ADCY7: variants seen among roughly 807,000 people sequenced by gnomAD.
The protein encoded by ADCY7 is adenylate cyclase 7, also known as adenylate cyclase type 7.
ADCY7 carries 72 observed loss-of-function variants against 120.6 expected under a neutral mutation model. That is an observed-to-expected ratio of 0.60 (90% CI 0.49 to 0.73). The LOEUF is 0.73. ADCY7 is among the 30% of genes least tolerant of loss of function. The pLI is 0.00. For missense variants in ADCY7, 1,227 were observed against 1,486.0 expected, an observed-to-expected ratio of 0.83 and a Z score of 2.87; for synonymous variants, 661 against 628.0, an observed-to-expected ratio of 1.05 and a Z score of -0.78.
rs560149181 is a variant in ADCY7 at position 50,316,090 on chromosome 16, C to T, written c.*585C>T. 2 of 152,910 alleles carry T rather than the reference C, an allele frequency of 1.3e-5. No homozygotes were observed. Among genetic ancestry groups the T allele is most frequent in the African/African-American group, 4.8e-5 (2 of 41,586 alleles). The allele number at this position is 152,910 out of a possible 1,614,324, so 9.5% of individuals were successfully genotyped here. ...TTAACACTGTTACTTTTTGCCTTGT[C>T]TGGCATGTTTGTTTTAAATGAATAC... On this transcript the variant is annotated 3_prime_UTR_variant, in exon 26 of 26. Coordinates refer to ENST00000673801, the MANE Select transcript of ADCY7 (RefSeq NM_001114.5).
intron 1 of ADCY7, among the ~76,000 whole-genome samples, chr16:50,268,917 G>A (rs2033386462): frequency 6.6e-6 from 1 of 152,160 alleles, no homozygotes; most frequent in Admixed American, 6.5e-5. Context: ...TGTGCCTGTA[G>A]TCCCAGCTAC....
At chr16:50,262,448 C>T (rs1348717071), upstream of ADCY7, among the ~76,000 whole-genome samples, 1 of 151,978 alleles carries the variant, frequency 6.6e-6, no homozygotes, top group Admixed American at 6.6e-5. Context: ...CCACCTCAGC[C>T]TCCTGCGTAG....
At chr16:50,249,694 G>A (rs1329769839) in intron 1 of ADCY7, among the ~76,000 whole-genome samples, 2 of 152,238 alleles carry the variant, frequency 1.3e-5, no homozygotes, top group Non-Finnish European at 2.9e-5. Flanking sequence ...TTGCCAGGAG[G>A]TGGGGAGGCT....
rs67137852 is a variant in ADCY7, at chr16:50,295,345, A to ATT, written c.948+623_948+624dup. ...AGGCATGCACCACCACGCCTGGCTA[A>ATT]TTTTTTTTTTTTTTTTTTTTTTTTT... On this transcript the variant is annotated intron_variant, in intron 7 of 25. Transcript: ENST00000673801. Among the ~76,000 whole-genome samples, 595 of 82,670 alleles carry ATT rather than the reference A, an allele frequency of 7.2e-3. 44 individuals carry two copies. The highest frequency in any genetic ancestry group is 0.019 in the African/African-American group (401 of 21,020). 54.2% of individuals were successfully genotyped at this position (82,670 alleles called of 152,430 possible). A position where few individuals can be genotyped will look rare whatever the true frequency, so the allele number is the denominator to read the frequency against.
Position 50,311,713 on chromosome 16 carries a change from G to C in ADCY7, c.2375G>C (p.Trp792Ser). Reference sequence around the variant, plus strand: ...TTCAGTGGCACCCCTAGCTGTTCCTGGAAGGACCTGAAGACCATGACCAAT... The same window carrying C: ...TTCAGTGGCACCCCTAGCTGTTCCTCGAAGGACCTGAAGACCATGACCAAT... ...GTTSGTPSCS[W>S]KDLKTMTNFY... The change falls in exon 20 of 26, where the codon TGG becomes TCG. Residue 792 changes from tryptophan to serine, a missense_variant. Transcript: ENST00000673801. The C allele has an allele frequency of 6.2e-7, 1 of 1,612,502 alleles. No homozygotes were observed. The highest frequency in any genetic ancestry group is 8.5e-7 in the Non-Finnish European group (1 of 1,179,534).
intron 1 of ADCY7, among the ~76,000 whole-genome samples, chr16:50,251,698 C>T (rs911447825): frequency 1.3e-5 from 2 of 152,236 alleles, no homozygotes; most frequent in African/African-American, 2.4e-5. Flanking sequence ...GGCAGGGTGG[C>T]GCCTCACCCA....
At chr16:50,266,178 G>T (rs1047660197), upstream of ADCY7, among the ~76,000 whole-genome samples, 5 of 152,200 alleles carry the variant, frequency 3.3e-5, no homozygotes, top group African/African-American at 1.2e-4. Flanking sequence ...GGCGCGGGGG[G>T]CCTGTCTGTG....
In ADCY7 at chr16:50,303,404, T is replaced by A. The variant is rs2035860965; in HGVS notation, c.1369-956T>A. ...GAGTGCTTGTAGCTGTGGAGGCTTGTCCATGGGGTGTTTGTGGGGCCCTAG... is the reference window on the plus strand; with the variant it reads ...GAGTGCTTGTAGCTGTGGAGGCTTGACCATGGGGTGTTTGTGGGGCCCTAG... On this transcript the variant is annotated intron_variant, in intron 10 of 25. Transcript: ENST00000673801. Among the ~76,000 whole-genome samples, 3 of 152,186 alleles carry A rather than the reference T, an allele frequency of 2.0e-5. No homozygotes were observed. In the South Asian group the frequency reaches 6.2e-4, roughly 31 times the overall value.
In ADCY7 at chr16:50,310,854, C is replaced by A; in HGVS notation, c.2328C>A (p.Asn776Lys). The A allele has an allele frequency of 6.2e-7, 1 of 1,610,554 alleles. No homozygotes were observed. Among genetic ancestry groups the A allele is most frequent in the Non-Finnish European group, 8.5e-7 (1 of 1,178,798 alleles). ...ACTGCTGCGGCCAAGGCCTGGGCAA[C>A]CTCACCAAGCCCAACGGCACCACCA... ...QWDCCGQGLG[N>K]LTKPNGTTSG... The change falls in exon 19 of 26, where the codon AAC becomes AAA. Residue 776 changes from asparagine to lysine, a missense_variant. Asn to Lys is a moderately conservative substitution (Grantham distance 94, BLOSUM62 0). Coordinates refer to ENST00000673801, the MANE Select transcript of ADCY7 (RefSeq NM_001114.5).
intron 1 of ADCY7, among the ~76,000 whole-genome samples, chr16:50,282,886 A>T (rs2034361548): frequency 6.6e-6 from 1 of 152,126 alleles, no homozygotes; most frequent in African/African-American, 2.4e-5. Flanking sequence ...AATTAAAAAA[A>T]AAATAAACAA....
Position 50,315,515 on chromosome 16 carries a change from C to G in ADCY7, c.*10C>G, listed in dbSNP as rs777811039. Reference sequence around the variant, plus strand: ...GCTGGGGCTGAACTGAGGGCTCCTGCTGGATTCCGAAAAGGCCGGGAAGCC... The same window carrying G: ...GCTGGGGCTGAACTGAGGGCTCCTGGTGGATTCCGAAAAGGCCGGGAAGCC... On this transcript the variant is annotated 3_prime_UTR_variant, in exon 26 of 26. Coordinates refer to ENST00000673801, the MANE Select transcript of ADCY7 (RefSeq NM_001114.5). The G allele has an allele frequency of 1.3e-5, 21 of 1,600,956 alleles. 1 individual carries two copies. The South Asian group carries it at 2.2e-4, about 17-fold the overall frequency.
chr16:50,256,496 AG>A (rs1459455953), intron 1 of ADCY7, among the ~76,000 whole-genome samples: 1 of 152,138 alleles, frequency 6.6e-6, no homozygotes. Flanking sequence ...TGAGCCTGGG[AG>A]TTTGAGACCA....
chr16:50,299,956 C>T (rs2035609259), intron 8 of ADCY7, among the ~76,000 whole-genome samples: 2 of 152,152 alleles, frequency 1.3e-5, no homozygotes, highest in African/African-American at 4.8e-5. Flanking sequence ...CTAACAACTC[C>T]CAGGGCCCCT....
At chr16:50,307,244 G>C in intron 15 of ADCY7, 97 bp downstream of exon 15, 1 of 1,222,442 alleles carries the variant, frequency 8.2e-7, no homozygotes. Flanking sequence ...TGGGCTGGAA[G>C]GGGTCGGCTG....
At chr16:50,293,240 G>T (rs2035111081) in intron 5 of ADCY7, 114 bp from the exon 6 acceptor site, 2 of 1,234,226 alleles carry the variant, frequency 1.6e-6, no homozygotes, top group Admixed American at 3.9e-5. Flanking sequence ...AGGCAGGGAG[G>T]ATGGGGGCCA....
chr16:50,310,759 G>A lies in ADCY7; in HGVS notation c.2233G>A (p.Val745Ile). ...VFLRMSLEPKVVLLTVALVAY... is the reference protein window; with the variant it reads ...VFLRMSLEPKIVLLTVALVAY... ...CCTGAGGATGAGCCTGGAGCCAAAG[G>A]TTGTGCTGCTGACAGTGGCCCTGGT... The change falls in exon 19 of 26, where the codon GTT becomes ATT. Residue 745 changes from valine to isoleucine, a missense_variant. Val to Ile is a conservative substitution (Grantham distance 29). Coordinates refer to ENST00000673801, the MANE Select transcript of ADCY7 (RefSeq NM_001114.5). 2 of 1,614,184 alleles carry A rather than the reference G, an allele frequency of 1.2e-6. No homozygotes were observed. The highest frequency in any genetic ancestry group is 1.7e-5 in the Admixed American group (1 of 60,024).
chr16:50,252,513 C>G (rs1409533976), intron 1 of ADCY7, among the ~76,000 whole-genome samples: 1 of 150,470 alleles, frequency 6.6e-6, no homozygotes, highest in African/African-American at 2.5e-5. Context: ...CCTGGGTAGG[C>G]ATTGTTTGTG....
At chr16:50,258,690 T>C (rs1301732939) in intron 1 of ADCY7, among the ~76,000 whole-genome samples, 1 of 151,344 alleles carries the variant, frequency 6.6e-6, no homozygotes, top group African/African-American at 2.4e-5. Context: ...ACCTCCAGGC[T>C]CAAGCAATCC....
At chr16:50,311,356 GC>G (rs1379683685) in intron 19 of ADCY7, among the ~76,000 whole-genome samples, 1 of 152,098 alleles carries the variant, frequency 6.6e-6, no homozygotes, top group Non-Finnish European at 1.5e-5. Flanking sequence ...CTGTGGGTCT[GC>G]CCCGCACCTG....
Sources: gnomAD v4.1 joint callset for allele counts (sites outside exome capture counted in the v4.1 genomes callset) on GRCh38, gnomAD v4.1.1 for gene constraint, MANE v1.5 for transcripts, NCBI Gene and HGNC (gene_info 2026-07-23, HGNC 2026-07-21) for gene names.